The following CACNA2D3 variants were observed in gnomAD, a reference collection of about 807,000 sequenced individuals.
The protein encoded by CACNA2D3 is calcium voltage-gated channel auxiliary subunit alpha2delta 3, also known as voltage-dependent calcium channel subunit alpha-2/delta-3.
Under a neutral mutation model 160.6 loss-of-function variants are expected in CACNA2D3, and 60 were observed. That is an observed-to-expected ratio of 0.37 (90% CI 0.30 to 0.46). CACNA2D3 has a LOEUF of 0.46. Ranked by LOEUF, CACNA2D3 falls within the 20% of genes least tolerant of loss-of-function variation. CACNA2D3 has a pLI of 1.00. For synonymous variants in CACNA2D3, 558 were observed against 492.9 expected (o/e 1.13, Z -1.75); for missense variants, 1,205 against 1,365.0 (o/e 0.88, Z 1.85).
At chr3:54,769,122 C>A (rs1394942915) in intron 13 of CACNA2D3, among the ~76,000 whole-genome samples, 1 of 152,142 alleles carries the variant, frequency 6.6e-6, no homozygotes, top group Non-Finnish European at 1.5e-5. Context: ...AAAACCCCAT[C>A]ATTTATACGG....
chr3:54,649,049 A>C (rs1000583018), intron 11 of CACNA2D3, among the ~76,000 whole-genome samples: 5 of 152,190 alleles, frequency 3.3e-5, no homozygotes, highest in African/African-American at 1.2e-4. Flanking sequence ...TATCAGTTAC[A>C]CTAGCCAGAT....
At chr3:54,821,641 G>GTTTCTTTCTTTCTTTCT (rs1204861925) in intron 14 of CACNA2D3, among the ~76,000 whole-genome samples, 5 of 107,920 alleles carry the variant, frequency 4.6e-5, no homozygotes, top group Admixed American at 9.4e-5. Context: ...AGAGTCTTTC[G>GTTTCTTTCTTTCTTTCT]TTCTTTCTTT....
chr3:54,276,828 A>T (rs1156280173), intron 2 of CACNA2D3, among the ~76,000 whole-genome samples: 2 of 152,156 alleles, frequency 1.3e-5, no homozygotes, highest in Non-Finnish European at 2.9e-5. Context: ...GTCTAAACCC[A>T]TCTCTAGGCT....
intron 5 of CACNA2D3, among the ~76,000 whole-genome samples, chr3:54,510,515 G>A (rs1701443762): frequency 6.6e-6 from 1 of 152,154 alleles, no homozygotes; most frequent in Non-Finnish European, 1.5e-5. Context: ...TGAGAAAAGA[G>A]TTTATGCTTC....
intron 4 of CACNA2D3, among the ~76,000 whole-genome samples, chr3:54,440,115 C>T (rs773402400): frequency 3.3e-5 from 5 of 152,118 alleles, no homozygotes; most frequent in Non-Finnish European, 7.4e-5. Flanking sequence ...ACTGGGATGC[C>T]CTGATCTCTC....
chr3:54,408,514 T>C (rs1311110558), intron 4 of CACNA2D3, among the ~76,000 whole-genome samples: 2 of 152,242 alleles, frequency 1.3e-5, no homozygotes, highest in Middle Eastern at 3.4e-3. Context: ...GAAAGACCCA[T>C]CTGCTTTAAC....
At chr3:55,021,339 A>T (rs972043800) in intron 35 of CACNA2D3, among the ~76,000 whole-genome samples, 1 of 151,312 alleles carries the variant, frequency 6.6e-6, no homozygotes, top group Non-Finnish European at 1.5e-5. Context: ...TGTATTTGTG[A>T]TTTTGCCCCC....
intron 35 of CACNA2D3, among the ~76,000 whole-genome samples, chr3:55,019,709 A>C (rs1192240800): frequency 3.3e-5 from 5 of 152,164 alleles, no homozygotes; most frequent in Admixed American, 2.6e-4. Context: ...TTTGTGAAAC[A>C]TTTTCTTTCT....
chr3:54,897,717 T>C (rs1245478554), intron 26 of CACNA2D3, among the ~76,000 whole-genome samples: 1 of 152,236 alleles, frequency 6.6e-6, no homozygotes. Flanking sequence ...TCTCCAGGGT[T>C]TGTGCCCAAT....
chr3:54,878,078 G>A (rs1426390023), intron 18 of CACNA2D3, among the ~76,000 whole-genome samples: 1 of 152,280 alleles, frequency 6.6e-6, no homozygotes, highest in East Asian at 1.9e-4. Context: ...CAGAAGATGA[G>A]AATGCAAACC....
Position 54,883,823 on chromosome 3 carries a change from C to CTCTCT in CACNA2D3, c.1913-1458_1913-1457insTCTCT, listed in dbSNP as rs60132112. On this transcript the variant is annotated intron_variant, in intron 21 of 37. Transcript: ENST00000474759. ...AATCTCTCTCTCTCTCTCTCTCTCT[C>CTCTCT]CTCTCTCTCCCTTCAACCCTCCTTA... Among the ~76,000 whole-genome samples the CTCTCT allele has an allele frequency of 7.9e-3, 700 of 88,826 alleles. 6 individuals are homozygous for CTCTCT. Among genetic ancestry groups the CTCTCT allele is most frequent in the South Asian group, 0.014 (30 of 2,176 alleles). 58.3% of individuals were successfully genotyped at this position (88,826 alleles called of 152,430 possible).
At position 55,072,430 on chromosome 3, in the gene CACNA2D3, C is replaced by T. The variant is rs146188351; in HGVS notation, c.2988-1015C>T. On this transcript the variant is annotated intron_variant, in intron 35 of 37. Coordinates refer to ENST00000474759, the MANE Select transcript of CACNA2D3 (RefSeq NM_018398.3). Reference sequence around the variant, plus strand: ...TATAACGTCCCATAAAGCAGAAGAACTTTTCTTCATTGCATGATTTTAGTT... The same window carrying T: ...TATAACGTCCCATAAAGCAGAAGAATTTTTCTTCATTGCATGATTTTAGTT... 1.5e-4 allele frequency among the ~76,000 whole-genome samples: 23 copies of T among 152,254 alleles called. No individual in the cohort carries two copies. In the East Asian group the frequency reaches 3.9e-3, roughly 26 times the overall value.
intron 27 of CACNA2D3, chr3:54,927,918 G>C: frequency 6.2e-7 from 1 of 1,613,652 alleles, no homozygotes; most frequent in Non-Finnish European, 8.5e-7. Flanking sequence ...TCATGACTGA[G>C]TCTCCTTGGG....
intron 4 of CACNA2D3, among the ~76,000 whole-genome samples, chr3:54,447,448 C>G (rs1408142179): frequency 1.3e-5 from 2 of 152,192 alleles, no homozygotes; most frequent in African/African-American, 4.8e-5. Flanking sequence ...TAAACTCTTT[C>G]CAGTGTTTTG....
chr3:54,785,468 A>C (rs1386991980), intron 13 of CACNA2D3, among the ~76,000 whole-genome samples: 1 of 152,154 alleles, frequency 6.6e-6, no homozygotes, highest in Non-Finnish European at 1.5e-5. Context: ...TTTTTGGTAG[A>C]GGAGGCTGTC....
intron 35 of CACNA2D3, among the ~76,000 whole-genome samples, chr3:55,028,249 A>G (rs1703607855): frequency 1.3e-5 from 2 of 152,180 alleles, no homozygotes; most frequent in Non-Finnish European, 2.9e-5. Flanking sequence ...CAGATCTGTT[A>G]TAACATACAG....
At chr3:54,971,151 G>C (rs958849157) in intron 29 of CACNA2D3, among the ~76,000 whole-genome samples, 11 of 150,942 alleles carry the variant, frequency 7.3e-5, no homozygotes, top group Admixed American at 2.0e-4. Context: ...TTCTGCAGAA[G>C]CCCAAGTTTC....
At chr3:54,184,220 G>A (rs939826678) in intron 2 of CACNA2D3, among the ~76,000 whole-genome samples, 2 of 152,168 alleles carry the variant, frequency 1.3e-5, no homozygotes, top group East Asian at 1.9e-4. Context: ...AGGTTCTGTC[G>A]GAACATTTGG....
intron 2 of CACNA2D3, among the ~76,000 whole-genome samples, chr3:54,202,921 T>C (rs1183265387): frequency 6.6e-6 from 1 of 152,126 alleles, no homozygotes; most frequent in Non-Finnish European, 1.5e-5. Context: ...GGAGAGTGTA[T>C]GTTAAGTGCA....
Sources: gnomAD v4.1 joint callset for allele counts (sites outside exome capture counted in the v4.1 genomes callset) on GRCh38, gnomAD v4.1.1 for gene constraint, MANE v1.5 for transcripts, NCBI Gene and HGNC (gene_info 2026-07-23, HGNC 2026-07-21) for gene names.